CEP85L: variants seen among roughly 807,000 people sequenced by gnomAD.
CEP85L encodes the protein centrosomal protein of 85 kDa-like.
Under a neutral mutation model 100.3 loss-of-function variants are expected in CEP85L, and 60 were observed. The observed-to-expected ratio is 0.60, with a 90% CI of 0.49 to 0.74. CEP85L has a LOEUF of 0.74. Ranked by LOEUF, CEP85L falls within the 30% of genes least tolerant of loss-of-function variation. The probability of loss-of-function intolerance (pLI) is 0.00; values close to 1 mark genes in which losing one functional copy is unlikely to be tolerated. For missense variants in CEP85L, 973 were observed against 936.2 expected (o/e 1.04, Z -0.51); for synonymous variants, 319 against 322.7 (o/e 0.99, Z 0.12).
At chr6:118,592,965 T>C (rs1781272818) in intron 2 of CEP85L, among the ~76,000 whole-genome samples, 2 of 148,214 alleles carry the variant, frequency 1.3e-5, no homozygotes, top group East Asian at 1.9e-4. Flanking sequence ...TGAAATTTTA[T>C]GGAAAAAAAA....
At chr6:118,654,817 A>G (rs2185891), upstream of CEP85L, among the ~76,000 whole-genome samples, 6 of 152,260 alleles carry the variant, frequency 3.9e-5, no homozygotes, top group African/African-American at 1.4e-4. Flanking sequence ...TAATCTTTGT[A>G]AAATAGTTAG....
intron 2 of CEP85L, among the ~76,000 whole-genome samples, chr6:118,583,459 C>T (rs544160): frequency 0.96 from 145,702 of 152,230 alleles, 69,747 homozygotes; most frequent in South Asian, 0.97. Flanking sequence ...TTTTTAATCA[C>T]GCCTGAAAGT....
chr6:118,604,170 C>A (rs879454327), intron 2 of CEP85L, among the ~76,000 whole-genome samples: 1 of 152,138 alleles, frequency 6.6e-6, no homozygotes, highest in Non-Finnish European at 1.5e-5. Context: ...ATGTTAAACC[C>A]AATTCTTAAT....
chr6:118,601,986 A>G (rs550481942), intron 2 of CEP85L, among the ~76,000 whole-genome samples: 2 of 152,294 alleles, frequency 1.3e-5, no homozygotes, highest in South Asian at 4.1e-4. Context: ...AGTAGGTTTC[A>G]GCCTCATTTT....
chr6:118,657,070 AC>A (rs1775819659), upstream of CEP85L: 1 of 152,068 alleles, frequency 6.6e-6, no homozygotes. Context: ...AGCCTCTTAC[AC>A]CCCTAGTTCC....
intron 5 of CEP85L, among the ~76,000 whole-genome samples, chr6:118,503,330 A>G (rs139136013): frequency 1.3e-5 from 2 of 152,358 alleles, no homozygotes; most frequent in African/African-American, 4.8e-5. Context: ...GTTCATGGAT[A>G]GGAAGACTCA....
chr6:118,649,595 T>C (rs987920092), intron 1 of CEP85L, among the ~76,000 whole-genome samples: 1 of 152,184 alleles, frequency 6.6e-6, no homozygotes, highest in African/African-American at 2.4e-5. Context: ...TCAGATAAAC[T>C]GAAACCACTC....
chr6:118,579,086 T>C (rs1005853619), intron 2 of CEP85L, among the ~76,000 whole-genome samples: 4 of 152,244 alleles, frequency 2.6e-5, no homozygotes, highest in South Asian at 4.2e-4. Flanking sequence ...TGTAGAGACA[T>C]TGTTTCACCA....
intron 1 of CEP85L, among the ~76,000 whole-genome samples, chr6:118,702,573 G>A (rs1777449937): frequency 6.6e-6 from 1 of 152,146 alleles, no homozygotes; most frequent in African/African-American, 2.4e-5. Context: ...ATAAGTGGGA[G>A]AAAAAAGTAG....
chr6:118,501,859 C>G (rs931480902), intron 5 of CEP85L: 1 of 1,299,032 alleles, frequency 7.7e-7, no homozygotes, highest in Non-Finnish European at 1.1e-6. Flanking sequence ...AAGCACAAGC[C>G]TTCAAGAGTC....
chr6:118,615,519 G>A (rs987797466), intron 2 of CEP85L, among the ~76,000 whole-genome samples: 4 of 151,806 alleles, frequency 2.6e-5, no homozygotes, highest in Non-Finnish European at 5.9e-5. Flanking sequence ...TTCCCACACC[G>A]TGCACGTTCC....
At chr6:118,565,394 A>G in intron 3 of CEP85L, 135 bp downstream of exon 3, 9 of 846,008 alleles carry the variant, frequency 1.1e-5, no homozygotes, top group Non-Finnish European at 1.7e-5. Context: ...GGTTTGTAAC[A>G]TTTCTGCCTA....
chr6:118,569,056 T>A (rs574149056), intron 2 of CEP85L, among the ~76,000 whole-genome samples: 129 of 151,926 alleles, frequency 8.5e-4, no homozygotes, highest in African/African-American at 2.8e-3. Flanking sequence ...GAGTAAAATA[T>A]AGGGCTGGGG....
At chr6:118,578,500 G>A (rs775191316) in intron 2 of CEP85L, among the ~76,000 whole-genome samples, 1 of 152,220 alleles carries the variant, frequency 6.6e-6, no homozygotes, top group East Asian at 1.9e-4. Context: ...GGGAGGCTGA[G>A]GCGGGCGGAT....
chr6:118,691,334 AC>A (rs1777037750), intron 1 of CEP85L, among the ~76,000 whole-genome samples: 1 of 151,994 alleles, frequency 6.6e-6, no homozygotes, highest in Admixed American at 6.5e-5. Flanking sequence ...GGAGTTCAAG[AC>A]CAGCCTGACC....
rs1208557730 is a variant in CEP85L, at chr6:118,491,194, TATACACACACACACACAC to T, written c.1437+474_1437+491del. The stretch of plus-strand genomic sequence containing the variant: ...TTCCCTTCTATTTCATACCAACATC[TATACACACACACACACAC>T]ACACACACACACACACACACACACA... On this transcript the variant is annotated intron_variant, in intron 6 of 12. Transcript: ENST00000368491. Among the ~76,000 whole-genome samples, 264 of 81,302 alleles carry T rather than the reference TATACACACACACACACAC, an allele frequency of 3.2e-3. 2 individuals carry two copies. The highest frequency in any genetic ancestry group is 9.2e-3 in the African/African-American group (246 of 26,646). 53.3% of individuals were successfully genotyped at this position (81,302 alleles called of 152,430 possible). A position where few individuals can be genotyped will look rare whatever the true frequency, so the allele number is the denominator to read the frequency against.
At chr6:118,558,779 A>G in intron 3 of CEP85L, 1 of 697,668 alleles carries the variant, frequency 1.4e-6, no homozygotes, top group Non-Finnish European at 2.6e-6. Context: ...TTCTGAGGAT[A>G]GGTTACATAG....
At chr6:118,520,443 G>C (rs1776593871) in intron 4 of CEP85L, among the ~76,000 whole-genome samples, 1 of 152,034 alleles carries the variant, frequency 6.6e-6, no homozygotes, top group Non-Finnish European at 1.5e-5. Context: ...CATATTTGTG[G>C]GGTATAATGT....
At chr6:118,503,804 G>A (rs1177918542) in intron 5 of CEP85L, among the ~76,000 whole-genome samples, 14 of 101,024 alleles carry the variant, frequency 1.4e-4, no homozygotes, top group African/African-American at 5.5e-4. Flanking sequence ...ATGGATCACA[G>A]ACCTAAAACA....
Sources: allele counts gnomAD v4.1 joint callset (sites outside exome capture counted in the v4.1 genomes callset), GRCh38; gene constraint gnomAD v4.1.1; transcripts MANE v1.5; gene names NCBI Gene and HGNC (gene_info 2026-07-23, HGNC 2026-07-21).